RHOBTB1: variants seen among roughly 807,000 people sequenced by gnomAD.
RHOBTB1 encodes the protein rho-related BTB domain-containing protein 1.
RHOBTB1 carries 40 observed loss-of-function variants against 71.6 expected under a neutral mutation model. The ratio of observed to expected loss-of-function variants is 0.56; its 90% CI spans 0.43 to 0.73. The LOEUF is 0.73. Ranked by LOEUF, RHOBTB1 falls within the 30% of genes least tolerant of loss-of-function variation. The probability of loss-of-function intolerance (pLI) is 0.00; values close to 1 mark genes in which losing one functional copy is unlikely to be tolerated. For synonymous variants in RHOBTB1, 319 were observed against 334.9 expected (o/e 0.95, Z 0.52); for missense variants, 797 against 894.0 (o/e 0.89, Z 1.38).
At chr10:60,864,048 A>G in the RHOBTB1 span, among the ~76,000 whole-genome samples, 1 of 152,160 alleles carries the variant, frequency 6.6e-6, no homozygotes, top group African/African-American at 2.4e-5. Flanking sequence ...GCAGGAATAT[A>G]AAAGCCTCCT....
rs1255309559 is a variant in RHOBTB1 at position 60,878,053 on chromosome 10, A to G, written c.1581T>C (p.Tyr527=). 14 of 1,610,306 alleles carry G rather than the reference A, an allele frequency of 8.7e-6. No homozygotes were observed. The highest frequency in any genetic ancestry group is 1.1e-5 in the Non-Finnish European group (13 of 1,178,678). Residue 527 remains tyrosine, a synonymous_variant, in exon 8 of 11, where the codon TAT becomes TAC. Coordinates refer to ENST00000337910, the MANE Select transcript of RHOBTB1 (RefSeq NM_014836.5). ...TTGATATCTTGTTTATGTTCGGGAG[A>G]TACACCTGAAATGTTATACAAAAAG... ...SFVESANSEV[Y]LPNINKISMQ...
At chr10:60,880,202 T>TGAGAGAGAGAGAGAGAGAGA (rs71018931) in intron 7 of RHOBTB1, among the ~76,000 whole-genome samples, 3 of 126,932 alleles carry the variant, frequency 2.4e-5, no homozygotes, top group Non-Finnish European at 3.3e-5. Flanking sequence ...TGTGTGTGTG[T>TGAGAGAGAGAGAGAGAGAGA]GAGAGAGAGA....
At chr10:60,889,264 A>G in intron 5 of RHOBTB1, 79 bp from the exon 6 acceptor site, 1 of 1,407,070 alleles carries the variant, frequency 7.1e-7, no homozygotes, top group Non-Finnish European at 9.5e-7. Context: ...CTAAGCACCT[A>G]ATGGAACTAT....
rs1249386835 is a variant in RHOBTB1 at position 60,870,114 on chromosome 10, A to G, written c.*1368T>C. ...CATTAACATCCCATGGCAGGTGTGG[A>G]GCTGTGGCCTTGAAATGCTCTCTGT... On this transcript the variant is annotated 3_prime_UTR_variant, in exon 11 of 11. Coordinates refer to ENST00000337910, the MANE Select transcript of RHOBTB1 (RefSeq NM_014836.5). The G allele has an allele frequency of 6.6e-6, 1 of 152,530 alleles. No individual in the cohort carries two copies. Among genetic ancestry groups the G allele is most frequent in the East Asian group, 1.9e-4 (1 of 5,190 alleles). The allele number at this position is 152,530 out of a possible 1,614,324, so 9.4% of individuals were successfully genotyped here.
chr10:60,936,487 G>A (rs571716385), intron 2 of RHOBTB1, among the ~76,000 whole-genome samples: 10 of 152,252 alleles, frequency 6.6e-5, no homozygotes, highest in South Asian at 2.1e-4. Flanking sequence ...GGTCATCACC[G>A]CCTACATCCC....
At chr10:60,975,674 A>C (rs2086291224) in intron 2 of RHOBTB1, among the ~76,000 whole-genome samples, 2 of 152,102 alleles carry the variant, frequency 1.3e-5, no homozygotes, top group South Asian at 4.1e-4. Flanking sequence ...TCTCTTTGAA[A>C]GGGAATACAG....
intron 2 of RHOBTB1, among the ~76,000 whole-genome samples, chr10:60,959,251 G>A (rs566207336): frequency 2.0e-5 from 3 of 152,162 alleles, no homozygotes; most frequent in African/African-American, 4.8e-5. Context: ...TAGACTGAAA[G>A]GTTCTTTATG....
intron 4 of RHOBTB1, among the ~76,000 whole-genome samples, chr10:60,905,052 C>T (rs2082596138): frequency 6.6e-6 from 1 of 151,870 alleles, no homozygotes; most frequent in South Asian, 2.1e-4. Flanking sequence ...ATAAAGTCTG[C>T]CATTAGGGCC....
At position 60,888,544 on chromosome 10, in the gene RHOBTB1, C is replaced by G. The variant is rs901645557; in HGVS notation, c.1124G>C (p.Ser375Thr). 6.2e-7 allele frequency: 1 copy of G among 1,614,210 alleles called. No individual in the cohort carries two copies. Among genetic ancestry groups the G allele is most frequent in the African/African-American group, 1.3e-5 (1 of 75,066 alleles). The stretch of plus-strand genomic sequence containing the variant: ...CCTGTGCATGCCAATGAACCCCTTA[C>G]TCCATCCGGTCAAAGTCTGTGTCTC... ...VPETQTLTGW[S>T]KGFIGMHREM... Residue 375 changes from serine to threonine, a missense_variant, in exon 6 of 11, where the codon AGT becomes ACT. Coordinates refer to ENST00000337910, the MANE Select transcript of RHOBTB1 (RefSeq NM_014836.5).
chr10:60,948,172 T>C (rs2085298418), upstream of RHOBTB1, among the ~76,000 whole-genome samples: 1 of 152,200 alleles, frequency 6.6e-6, no homozygotes, highest in South Asian at 2.1e-4. Context: ...TGTCTGTCTT[T>C]TTACTGTTGA....
chr10:60,883,877 A>C (rs2081443087), intron 7 of RHOBTB1, among the ~76,000 whole-genome samples: 1 of 152,188 alleles, frequency 6.6e-6, no homozygotes, highest in Non-Finnish European at 1.5e-5. Flanking sequence ...GTCACTTGTA[A>C]GTGGAGGAGT....
chr10:60,938,834 T>C (rs557558923), intron 2 of RHOBTB1, among the ~76,000 whole-genome samples: 2 of 152,232 alleles, frequency 1.3e-5, no homozygotes, highest in Admixed American at 6.5e-5. Flanking sequence ...CTGAGTTCCA[T>C]TTCTTGCCTC....
At chr10:60,864,529 T>C (rs1256405922), downstream of RHOBTB1, among the ~76,000 whole-genome samples, 2 of 152,230 alleles carry the variant, frequency 1.3e-5, no homozygotes, top group South Asian at 2.1e-4. Context: ...TATGTAACTA[T>C]GCAAATATAA....
intron 1 of RHOBTB1, among the ~76,000 whole-genome samples, chr10:60,990,477 T>G (rs926322078): frequency 6.7e-6 from 1 of 148,732 alleles, no homozygotes; most frequent in African/African-American, 2.5e-5. Context: ...CTGTATTTCC[T>G]GTACATATCA....
At chr10:60,896,979 T>A (rs78655696) in intron 4 of RHOBTB1, among the ~76,000 whole-genome samples, 1 of 120,170 alleles carries the variant, frequency 8.3e-6, no homozygotes, top group African/African-American at 3.3e-5. Flanking sequence ...AAAAAAAGCA[T>A]TTTTTTTCAG....
chr10:60,882,174 C>T (rs1279595108), intron 7 of RHOBTB1, among the ~76,000 whole-genome samples: 2 of 150,572 alleles, frequency 1.3e-5, no homozygotes, highest in Non-Finnish European at 1.5e-5. Flanking sequence ...AATTTCTATC[C>T]TACCTGCTGG....
chr10:60,912,385 C>T (rs1232814598), intron 2 of RHOBTB1, among the ~76,000 whole-genome samples: 1 of 152,128 alleles, frequency 6.6e-6, no homozygotes, highest in East Asian at 1.9e-4. Context: ...AGGTGCCCAC[C>T]ACCATGCCCG....
chr10:60,867,878 C>T (rs1004130492), downstream of RHOBTB1, among the ~76,000 whole-genome samples: 1 of 152,190 alleles, frequency 6.6e-6, no homozygotes, highest in Non-Finnish European at 1.5e-5. Context: ...GCATATATCA[C>T]CTGCTTCCTA....
intron 7 of RHOBTB1, among the ~76,000 whole-genome samples, chr10:60,880,460 A>G: frequency 6.6e-6 from 1 of 152,140 alleles, no homozygotes; most frequent in Non-Finnish European, 1.5e-5. Context: ...CCCTTAACGT[A>G]TCATAGGGAA....
Sources: gnomAD v4.1 joint callset for allele counts (sites outside exome capture counted in the v4.1 genomes callset) on GRCh38, gnomAD v4.1.1 for gene constraint, MANE v1.5 for transcripts, NCBI Gene and HGNC (gene_info 2026-07-23, HGNC 2026-07-21) for gene names.